GRIK1: variants seen among roughly 807,000 people sequenced by gnomAD.
GRIK1 encodes the protein glutamate receptor ionotropic, kainate 1.
A neutral mutation model predicts 105.7 loss-of-function variants in GRIK1; 69 were observed. That is an observed-to-expected ratio of 0.65 (90% CI 0.54 to 0.80). The LOEUF (loss-of-function observed/expected upper bound fraction) is 0.80. GRIK1 is among the 30% of genes least tolerant of loss of function. GRIK1 has a pLI of 0.00. For synonymous variants in GRIK1, 438 were observed against 431.3 expected (o/e 1.02, Z -0.19); for missense variants, 1,109 against 1,167.3 (o/e 0.95, Z 0.73).
intron 1 of GRIK1, among the ~76,000 whole-genome samples, chr21:29,775,096 A>G (rs934690939): frequency 5.3e-5 from 8 of 152,118 alleles, no homozygotes; most frequent in African/African-American, 1.4e-4. Context: ...AGGCTGGCAG[A>G]TCACGAGGTC....
chr21:29,600,504 C>A (rs144115057), intron 7 of GRIK1, among the ~76,000 whole-genome samples: 1,709 of 152,266 alleles, frequency 0.011, 20 homozygotes, highest in South Asian at 0.033. Context: ...AAACTCAGAT[C>A]TTTGTATCCA....
chr21:29,767,582 G>T (rs1408185843), intron 1 of GRIK1, among the ~76,000 whole-genome samples: 3 of 152,042 alleles, frequency 2.0e-5, no homozygotes, highest in African/African-American at 7.2e-5. Context: ...CAGGACTTTG[G>T]ACATTGTGGG....
In GRIK1 at chr21:29,706,832, T is replaced by A. The variant is rs535825621; in HGVS notation, c.119-12769A>T. Among the ~76,000 whole-genome samples the A allele has an allele frequency of 5.3e-5, 8 of 152,358 alleles. No homozygotes were observed. In the East Asian group the frequency reaches 1.5e-3, roughly 29 times the overall value. ...TGCTCAATGCACGTATTTTTAAATG[T>A]GCTGCACTCTGTGAACTCCCACAAT... On this transcript the variant is annotated intron_variant, in intron 1 of 17. Transcript: ENST00000327783.
chr21:29,885,412 C>T (rs187679746), intron 1 of GRIK1, among the ~76,000 whole-genome samples: 92 of 151,988 alleles, frequency 6.1e-4, no homozygotes, highest in East Asian at 1.9e-3. Context: ...TTTTTCTTAA[C>T]GTAAGAAAAA....
At chr21:29,596,870 C>T (rs1055726624) in intron 8 of GRIK1, 3 of 364,288 alleles carry the variant, frequency 8.2e-6, no homozygotes, top group African/African-American at 6.3e-5. Flanking sequence ...TATTAAGGGT[C>T]TTCATTGTTC....
chr21:29,792,555 C>T lies in GRIK1; in HGVS notation c.119-98492G>A, dbSNP rs115619651. ...TCATCCCAAGTACGCAGTAGGCACTCCATAAATGTATGCTGAATGGACAAA... is the reference window on the plus strand; with the variant it reads ...TCATCCCAAGTACGCAGTAGGCACTTCATAAATGTATGCTGAATGGACAAA... On this transcript the variant is annotated intron_variant, in intron 1 of 17. Coordinates refer to ENST00000327783, the MANE Select transcript of GRIK1 (RefSeq NM_001330994.2). Among the ~76,000 whole-genome samples, 597 of 152,314 alleles carry T rather than the reference C, an allele frequency of 3.9e-3. 3 individuals are homozygous for T. Among genetic ancestry groups the T allele is most frequent in the African/African-American group, 0.013 (560 of 41,562 alleles).
intron 1 of GRIK1, among the ~76,000 whole-genome samples, chr21:29,843,015 C>A (rs1347419995): frequency 6.6e-6 from 1 of 152,018 alleles, no homozygotes; most frequent in East Asian, 1.9e-4. Flanking sequence ...ATTTGTTTAC[C>A]TTCTTTTTTT....
chr21:29,648,273 T>A (rs1479522621), intron 6 of GRIK1, among the ~76,000 whole-genome samples: 1 of 152,214 alleles, frequency 6.6e-6, no homozygotes, highest in Non-Finnish European at 1.5e-5. Context: ...ATGAAGCATA[T>A]GATTTCAGAG....
chr21:29,810,126 C>G (rs1428054076), intron 1 of GRIK1, among the ~76,000 whole-genome samples: 1 of 151,892 alleles, frequency 6.6e-6, no homozygotes, highest in African/African-American at 2.4e-5. Flanking sequence ...GGTGAAACCC[C>G]ATCTCTACTA....
chr21:29,890,437 TGTGCA>T (rs1439874141), intron 1 of GRIK1, among the ~76,000 whole-genome samples: 2 of 152,152 alleles, frequency 1.3e-5, no homozygotes, highest in Non-Finnish European at 2.9e-5. Context: ...TAAAGCTCAT[TGTGCA>T]GTCTCTTCAT....
intron 1 of GRIK1, among the ~76,000 whole-genome samples, chr21:29,801,837 A>G (rs2066719778): frequency 6.6e-6 from 1 of 152,172 alleles, no homozygotes; most frequent in African/African-American, 2.4e-5. Context: ...TCATAAGGCA[A>G]TTCTTTGACG....
At chr21:29,849,970 C>T (rs1263625147) in intron 1 of GRIK1, among the ~76,000 whole-genome samples, 1 of 152,158 alleles carries the variant, frequency 6.6e-6, no homozygotes, top group African/African-American at 2.4e-5. Context: ...CTCTCACCCT[C>T]TCATATGTGT....
chr21:29,936,879 A>C (rs2071774910), intron 1 of GRIK1, among the ~76,000 whole-genome samples: 1 of 152,212 alleles, frequency 6.6e-6, no homozygotes, highest in East Asian at 1.9e-4. Context: ...ATGAGGACCC[A>C]GTACTAAGTG....
chr21:29,538,414 A>G (rs886494182), intron 16 of GRIK1, among the ~76,000 whole-genome samples: 1 of 152,154 alleles, frequency 6.6e-6, no homozygotes, highest in Non-Finnish European at 1.5e-5. Context: ...AAAGGCTGGG[A>G]GGAAGGGAAA....
At chr21:29,881,390 A>C (rs1263706179) in intron 1 of GRIK1, among the ~76,000 whole-genome samples, 1 of 152,156 alleles carries the variant, frequency 6.6e-6, no homozygotes, top group African/African-American at 2.4e-5. Context: ...AAAACAAAAT[A>C]AAATGGGCTC....
chr21:29,781,657 C>CTTTTTTTTTTTTT (rs71191125), intron 1 of GRIK1, among the ~76,000 whole-genome samples: 3 of 69,260 alleles, frequency 4.3e-5, no homozygotes, highest in Non-Finnish European at 7.6e-5. Context: ...CCTACTGTTT[C>CTTTTTTTTTTTTT]TTTTTTTTTT....
intron 16 of GRIK1, among the ~76,000 whole-genome samples, chr21:29,554,426 G>A (rs1396810741): frequency 6.6e-6 from 1 of 151,928 alleles, no homozygotes; most frequent in African/African-American, 2.4e-5. Context: ...AAAAGTAGTA[G>A]GCAAAAATGG....
At chr21:29,849,502 G>A (rs1435916108) in intron 1 of GRIK1, among the ~76,000 whole-genome samples, 1 of 152,018 alleles carries the variant, frequency 6.6e-6, no homozygotes, top group African/African-American at 2.4e-5. Flanking sequence ...TGTTTCCTGC[G>A]CCCATCCTTC....
chr21:29,635,318 A>G (rs1260246309), intron 7 of GRIK1, among the ~76,000 whole-genome samples: 1 of 152,198 alleles, frequency 6.6e-6, no homozygotes, highest in Non-Finnish European at 1.5e-5. Context: ...TGTGGGCCCA[A>G]CTACGAAATC....
Sources: allele counts gnomAD v4.1 joint callset (sites outside exome capture counted in the v4.1 genomes callset), GRCh38; gene constraint gnomAD v4.1.1; transcripts MANE v1.5; gene names NCBI Gene and HGNC (gene_info 2026-07-23, HGNC 2026-07-21).